Variants in ARHGAP6 observed in about 807,000 individuals in gnomAD.
The protein encoded by ARHGAP6 is rho GTPase-activating protein 6.
In ARHGAP6, 16 loss-of-function variants were observed where a neutral mutation model predicts 55.7. That is an observed-to-expected ratio of 0.29 (90% CI 0.19 to 0.44). The LOEUF (loss-of-function observed/expected upper bound fraction) is 0.44, where lower values mean the gene tolerates loss of function less well. Among genes scored for constraint, ARHGAP6 ranks in the 20% least tolerant of loss-of-function variants. The probability of loss-of-function intolerance (pLI) is 1.00; values close to 1 mark genes in which losing one functional copy is unlikely to be tolerated. For missense variants in ARHGAP6, 698 were observed against 808.9 expected, an observed-to-expected ratio of 0.86 and a Z score of 1.66; for synonymous variants, 382 against 360.9, an observed-to-expected ratio of 1.06 and a Z score of -0.66.
chrX:11,580,115 A>T (rs2051647840), intron 1 of ARHGAP6, among the ~76,000 whole-genome samples: 2 of 112,020 alleles, frequency 1.8e-5, no homozygotes, highest in Admixed American at 1.9e-4. Flanking sequence ...CCTATAGGGT[A>T]GGTGAGGTAT....
At chrX:11,374,929 T>C (rs1280855998) in intron 1 of ARHGAP6, among the ~76,000 whole-genome samples, 1 of 111,971 alleles carries the variant, frequency 8.9e-6, no homozygotes, top group East Asian at 2.8e-4. Flanking sequence ...TTATCTTCTG[T>C]ATTACCACCT....
chrX:11,417,108 A>G (rs1186548887), intron 1 of ARHGAP6, among the ~76,000 whole-genome samples: 3 of 83,775 alleles, frequency 3.6e-5, no homozygotes, highest in Middle Eastern at 5.7e-3. Context: ...ATATATATAC[A>G]CATACATATA....
At chrX:11,609,284 GA>G (rs150553691) in intron 1 of ARHGAP6, among the ~76,000 whole-genome samples, 9 of 111,149 alleles carry the variant, frequency 8.1e-5, no homozygotes, top group Non-Finnish European at 1.3e-4. Flanking sequence ...GTGAGAAGAA[GA>G]AAAAAAAGTC....
At chrX:11,412,705 T>C (rs1033752200) in intron 1 of ARHGAP6, among the ~76,000 whole-genome samples, 4 of 112,041 alleles carry the variant, frequency 3.6e-5, no homozygotes, top group Non-Finnish European at 5.6e-5. Context: ...CCCTTAACCA[T>C]CAATGGAGAG....
intron 1 of ARHGAP6, among the ~76,000 whole-genome samples, chrX:11,559,741 C>G (rs1366913712): frequency 9.1e-6 from 1 of 109,480 alleles, no homozygotes; most frequent in Non-Finnish European, 1.9e-5. Context: ...TCCCGGCTAA[C>G]ACGGTGAAAC....
At chrX:11,408,952 C>T (rs1171555279) in intron 1 of ARHGAP6, among the ~76,000 whole-genome samples, 1 of 110,098 alleles carries the variant, frequency 9.1e-6, no homozygotes, top group Non-Finnish European at 1.9e-5. Flanking sequence ...CATCCTCCAA[C>T]CCTCACACTG....
Position 11,158,403 on chromosome X carries a change from G to A in ARHGAP6, c.1810-1777C>T, listed in dbSNP as rs138247486. ...ATGTCTTGATATCATCTGAGTCCCG[G>A]GACAAGCTATGTCTGAAGCCATATT... On this transcript the variant is annotated intron_variant, in intron 9 of 12. Transcript: ENST00000337414. Among the ~76,000 whole-genome samples the A allele has an allele frequency of 9.8e-5, 11 of 112,088 alleles. No individual in the cohort carries two copies. In the East Asian group the frequency reaches 3.1e-3, roughly 31 times the overall value.
chrX:11,495,615 C>A (rs753955188), intron 1 of ARHGAP6, among the ~76,000 whole-genome samples: 1 of 110,786 alleles, frequency 9.0e-6, no homozygotes, highest in African/African-American at 3.3e-5. Context: ...GAACCATGCT[C>A]CAGGTTTATG....
chrX:11,367,745 G>A, intron 1 of ARHGAP6: 1 of 742,235 alleles, frequency 1.3e-6, no homozygotes, highest in Non-Finnish European at 1.6e-6. Context: ...GAATCACCCA[G>A]GAAGTTTGAG....
intron 1 of ARHGAP6, among the ~76,000 whole-genome samples, chrX:11,413,303 G>A (rs1431811184): frequency 8.9e-6 from 1 of 112,516 alleles, no homozygotes; most frequent in Non-Finnish European, 1.9e-5. Flanking sequence ...TCAGGAAGCT[G>A]CTGAGCTCTA....
chrX:11,148,127 T>C (rs954641546), intron 10 of ARHGAP6, among the ~76,000 whole-genome samples: 1 of 112,188 alleles, frequency 8.9e-6, no homozygotes, highest in Non-Finnish European at 1.9e-5. Context: ...AACCATACCA[T>C]CTTTTGGATA....
intron 1 of ARHGAP6, among the ~76,000 whole-genome samples, chrX:11,388,929 A>T (rs191848060): frequency 8.9e-6 from 1 of 112,272 alleles, no homozygotes; most frequent in Admixed American, 9.5e-5. Context: ...GCCACAAAAT[A>T]AAAGCTAGCA....
intron 2 of ARHGAP6, among the ~76,000 whole-genome samples, chrX:11,207,320 A>T (rs1244187212): frequency 1.8e-5 from 2 of 109,243 alleles, no homozygotes; most frequent in Admixed American, 9.7e-5. Context: ...GAGTCATCAC[A>T]CCTGGCCTGG....
intron 2 of ARHGAP6, among the ~76,000 whole-genome samples, chrX:11,217,684 T>C (rs764705190): frequency 1.1e-3 from 128 of 112,132 alleles, no homozygotes; most frequent in Non-Finnish European, 2.0e-3. Flanking sequence ...CTGATGATAG[T>C]TTATTTTGCT....
intron 2 of ARHGAP6, among the ~76,000 whole-genome samples, chrX:11,243,689 A>T (rs2047315135): frequency 8.9e-6 from 1 of 112,532 alleles, no homozygotes; most frequent in Admixed American, 9.4e-5. Flanking sequence ...TGCTTTGGTC[A>T]ACAGGCCATA....
intron 1 of ARHGAP6, among the ~76,000 whole-genome samples, chrX:11,418,703 T>G (rs1277691152): frequency 8.9e-6 from 1 of 112,014 alleles, no homozygotes; most frequent in Non-Finnish European, 1.9e-5. Flanking sequence ...AATAGGTTTG[T>G]GATATAAAAA....
At chrX:11,370,517 C>T (rs1422354975) in intron 1 of ARHGAP6, among the ~76,000 whole-genome samples, 1 of 111,511 alleles carries the variant, frequency 9.0e-6, no homozygotes, top group Non-Finnish European at 1.9e-5. Context: ...TGGGTAGAGT[C>T]ACCAGTGAAA....
chrX:11,240,015 T>C (rs755903900), intron 2 of ARHGAP6, among the ~76,000 whole-genome samples: 2 of 112,397 alleles, frequency 1.8e-5, no homozygotes, highest in East Asian at 5.6e-4. Context: ...GATATTTTAT[T>C]TCCAGTTTGG....
At chrX:11,308,747 G>A (rs766959224) in intron 1 of ARHGAP6, among the ~76,000 whole-genome samples, 54 of 111,983 alleles carry the variant, frequency 4.8e-4, no homozygotes, top group Middle Eastern at 4.6e-3. Context: ...CACTGGACTG[G>A]AACAGTAACA....
Sources: allele counts gnomAD v4.1 joint callset (sites outside exome capture counted in the v4.1 genomes callset), GRCh38; gene constraint gnomAD v4.1.1; transcripts MANE v1.5; gene names NCBI Gene and HGNC (gene_info 2026-07-23, HGNC 2026-07-21).